The following PRPF8 variants were observed in gnomAD, a reference collection of about 807,000 sequenced individuals.
PRPF8 encodes the protein pre-mRNA-processing-splicing factor 8.
PRPF8 carries 64 observed loss-of-function variants against 285.9 expected under a neutral mutation model. The observed-to-expected ratio is 0.22, with a 90% CI of 0.18 to 0.28. The LOEUF is 0.28. Ranked by LOEUF, PRPF8 falls within the 10% of genes least tolerant of loss-of-function variation. PRPF8 has a pLI of 1.00. For missense variants in PRPF8, 1,426 were observed against 3,026.7 expected (o/e 0.47, Z 12.41); for synonymous variants, 1,325 against 1,118.2 (o/e 1.18, Z -3.69).
At position 1,675,423 on chromosome 17, in the gene PRPF8, A is replaced by T; in HGVS notation, c.2873-84T>A. ...CACAGGAACTATCATTACCTTCCAT[A>T]ACCAATCCCACTATGATTCCACGTA... On this transcript the variant is annotated intron_variant, in intron 19 of 42. Transcript: ENST00000304992. This position sits in a 1 kb window ranked among gnomAD's most constrained non-coding sequence, Gnocchi z 6.0. 2.0e-6 allele frequency: 3 copies of T among 1,522,102 alleles called. No individual in the cohort carries two copies. Among genetic ancestry groups the T allele is most frequent in the Non-Finnish European group, 2.7e-6 (3 of 1,099,850 alleles). 94.3% of individuals were successfully genotyped at this position (1,522,102 alleles called of 1,614,324 possible). A position where few individuals can be genotyped will look rare whatever the true frequency, so the allele number is the denominator to read the frequency against.
chr17:1,671,938 G>C (rs1038789465), intron 24 of PRPF8, among the ~76,000 whole-genome samples: 1 of 152,002 alleles, frequency 6.6e-6, no homozygotes, highest in East Asian at 1.9e-4. Flanking sequence ...GGAGGCTGAG[G>C]TGTGAGGATC....
At chr17:1,678,943 C>G (rs1912760561) in intron 11 of PRPF8, 62 bp from the exon 12 acceptor site, 1 of 1,613,678 alleles carries the variant, frequency 6.2e-7, no homozygotes, top group African/African-American at 1.3e-5. Flanking sequence ...TGATGTATGC[C>G]TTCATCAGTA....
Position 1,681,229 on chromosome 17 carries a change from TGTGA to T in PRPF8, c.867-179_867-176del, listed in dbSNP as rs1454481987. ...CCAAGTAACTGAGACTACACGAAGCTGTGAGTGTCACCACGCCCAGCTACATTTT... is the reference window on the plus strand; with the variant it reads ...CCAAGTAACTGAGACTACACGAAGCTGTGTCACCACGCCCAGCTACATTTT... On this transcript the variant is annotated intron_variant, in intron 6 of 42. Coordinates refer to ENST00000304992, the MANE Select transcript of PRPF8 (RefSeq NM_006445.4). Among the ~76,000 whole-genome samples, 5 of 152,214 alleles carry T rather than the reference TGTGA, an allele frequency of 3.3e-5. No homozygotes were observed. The South Asian group carries it at 8.3e-4, about 25-fold the overall frequency.
chr17:1,677,271 A>G, intron 14 of PRPF8, 99 bp from the exon 15 acceptor site: 1 of 1,261,730 alleles, frequency 7.9e-7, no homozygotes, highest in Non-Finnish European at 1.1e-6. Context: ...TTATTAATAA[A>G]ATTAGGTATT....
Position 1,673,697 on chromosome 17 carries a change from G to C in PRPF8, c.3446+49C>G. ...GCAGCCTCAGGTATGCCCTCTCTGG[G>C]CCCTTAGCTTATGTCCTTCCAGCTC... On this transcript the variant is annotated intron_variant, in intron 22 of 42. Transcript: ENST00000304992. The surrounding 1 kb of genome is among the most constrained non-coding windows in gnomAD (Gnocchi z 5.5). The C allele has an allele frequency of 6.2e-7, 1 of 1,613,000 alleles. No individual in the cohort carries two copies. The highest frequency in any genetic ancestry group is 8.5e-7 in the Non-Finnish European group (1 of 1,179,800).
At chr17:1,665,600 T>G (rs1269677748) in intron 24 of PRPF8, among the ~76,000 whole-genome samples, 1 of 150,870 alleles carries the variant, frequency 6.6e-6, no homozygotes, top group African/African-American at 2.4e-5. Flanking sequence ...TCCCAGCACT[T>G]TGGGAGGACG....
chr17:1,666,874 G>C (rs1460719489), intron 24 of PRPF8, among the ~76,000 whole-genome samples: 2 of 151,942 alleles, frequency 1.3e-5, no homozygotes, highest in Non-Finnish European at 2.9e-5. Flanking sequence ...CAACCAGGCA[G>C]ATCTACAGAA....
rs1567688695 is a variant in PRPF8, at chr17:1,676,024, C to T, written c.2583G>A (p.Arg861=). ...CCTGCTCGATCAGACCTAGCTCCTC[C>T]CTCTGAGACTGGTTCAACCGAGACT... ...SVKSRLNQSQ[R]EELGLIEQAY... The change falls in exon 18 of 43, where the codon AGG becomes AGA. Residue 861 remains arginine, a synonymous_variant. Coordinates refer to ENST00000304992, the MANE Select transcript of PRPF8 (RefSeq NM_006445.4). The surrounding 1 kb of genome is among the most constrained non-coding windows in gnomAD (Gnocchi z 6.3). 7 of 1,613,476 alleles carry T rather than the reference C, an allele frequency of 4.3e-6. No homozygotes were observed. Among genetic ancestry groups the T allele is most frequent in the Non-Finnish European group, 5.9e-6 (7 of 1,180,000 alleles).
intron 1 of PRPF8, 26 bp from the exon 2 acceptor site, chr17:1,684,608 T>A (rs1246235279): frequency 1.2e-6 from 2 of 1,606,392 alleles, no homozygotes; most frequent in Admixed American, 1.7e-5. Flanking sequence ...ATAGAAAAAT[T>A]CACTAACCAC....
chr17:1,684,437 TC>T (rs747515350), intron 2 of PRPF8, 34 bp downstream of exon 2: 3 of 1,610,396 alleles, frequency 1.9e-6, no homozygotes, highest in Non-Finnish European at 2.5e-6. Flanking sequence ...CCGCCCCGCC[TC>T]CGGCCCGCGC....
chr17:1,666,165 CA>C (rs60402650), intron 24 of PRPF8, among the ~76,000 whole-genome samples: 26,709 of 121,112 alleles, frequency 0.22, 4,930 homozygotes, highest in African/African-American at 0.53. Context: ...GACTCTGTCT[CA>C]AAAAAAAAAA....
Position 1,653,917 on chromosome 17 carries a change from G to C in PRPF8, c.6087C>G (p.Ile2029Met). The change falls in exon 38 of 43, where the codon ATC (isoleucine) becomes ATG (methionine). Residue 2029 changes from isoleucine to methionine, a missense_variant. Physicochemically the swap from Ile to Met is conservative, Grantham distance 10 (BLOSUM62 1). Around this residue, in one of 34 missense-constraint regions of PRPF8, gnomAD observed 160 missense variants for 373.7 expected, o/e 0.43. Coordinates refer to ENST00000304992, the MANE Select transcript of PRPF8 (RefSeq NM_006445.4). This position sits in a 1 kb window ranked among gnomAD's most constrained non-coding sequence, Gnocchi z 4.9. ...PSQQRQQIAE[I>M]EKQTKEQSQL... ...GCGATTGTTCCTTGGTCTGCTTCTCGATCTCAGCGATCTGCTGCCGCTGCT... is the reference window on the plus strand; with the variant it reads ...GCGATTGTTCCTTGGTCTGCTTCTCCATCTCAGCGATCTGCTGCCGCTGCT... 6.2e-7 allele frequency: 1 copy of C among 1,614,106 alleles called. No homozygotes were observed. Among genetic ancestry groups the C allele is most frequent in the Non-Finnish European group, 8.5e-7 (1 of 1,180,024 alleles).
At position 1,673,283 on chromosome 17, in the gene PRPF8, C is replaced by G; in HGVS notation, c.3657+74G>C. ...GTGCCCACCACTCAAGTCTTTCCAC[C>G]CAACAAGACTCCGGTGACTGACCCA... On this transcript the variant is annotated intron_variant, in intron 23 of 42. Coordinates refer to ENST00000304992, the MANE Select transcript of PRPF8 (RefSeq NM_006445.4). This position sits in a 1 kb window ranked among gnomAD's most constrained non-coding sequence, Gnocchi z 5.5. 2 of 1,603,724 alleles carry G rather than the reference C, an allele frequency of 1.2e-6. No homozygotes were observed. The highest frequency in any genetic ancestry group is 1.7e-6 in the Non-Finnish European group (2 of 1,171,248).
Position 1,656,637 on chromosome 17 carries a change from C to A in PRPF8, c.5619+11G>T, listed in dbSNP as rs1257985442. 3 of 1,613,942 alleles carry A rather than the reference C, an allele frequency of 1.9e-6. No individual in the cohort carries two copies. Among genetic ancestry groups the A allele is most frequent in the Admixed American group, 1.7e-5 (1 of 59,978 alleles). On this transcript the variant is annotated intron_variant, in intron 35 of 42. Coordinates refer to ENST00000304992, the MANE Select transcript of PRPF8 (RefSeq NM_006445.4). Reference sequence around the variant, plus strand: ...AGGTCTCTTTTCTCCTACCCCACCCCACCCTCTTACCTCCAGTGGGTCCAG... The same window carrying A: ...AGGTCTCTTTTCTCCTACCCCACCCAACCCTCTTACCTCCAGTGGGTCCAG...
rs1047960759 is a variant in PRPF8 at position 1,653,406 on chromosome 17, T to C, written c.6369+136A>G. On this transcript the variant is annotated intron_variant, in intron 39 of 42. Transcript: ENST00000304992. The surrounding 1 kb of genome is among the most constrained non-coding windows in gnomAD (Gnocchi z 4.9). ...ATGGGGCCAAAACCCACCTCGTTGTTTTGGCTATCCTTGTATAATTACTCA... is the reference window on the plus strand; with the variant it reads ...ATGGGGCCAAAACCCACCTCGTTGTCTTGGCTATCCTTGTATAATTACTCA... 4.9e-5 allele frequency: 62 copies of C among 1,271,006 alleles called. No individual in the cohort carries two copies. The highest frequency in any genetic ancestry group is 6.3e-5 in the Non-Finnish European group (56 of 888,568). 78.7% of individuals were successfully genotyped at this position (1,271,006 alleles called of 1,614,324 possible). A position where few individuals can be genotyped will look rare whatever the true frequency, so the allele number is the denominator to read the frequency against.
chr17:1,655,370 A>C lies in PRPF8; in HGVS notation c.5967T>G (p.Ala1989=). 6.2e-7 allele frequency: 1 copy of C among 1,613,558 alleles called. No individual in the cohort carries two copies. The highest frequency in any genetic ancestry group is 8.5e-7 in the Non-Finnish European group (1 of 1,180,018). ...CTCACTTGTTTTTCTTGCCGTAGTC[A>C]GCCAAGATCAGATCCTTGAGCTGCA... ...VEVQLKDLIL[A]DYGKKNNVNV... is the part of the protein sequence containing the mutation. The change falls in exon 37 of 43, where the codon GCT becomes GCG. Residue 1989 remains alanine, a synonymous_variant. Transcript: ENST00000304992.
intron 39 of PRPF8, chr17:1,652,790 T>G (rs1567675061): frequency 6.8e-6 from 1 of 147,824 alleles, no homozygotes; most frequent in Non-Finnish European, 1.5e-5. Context: ...GCTCAAAAGA[T>G]CTGCCCACCT....
chr17:1,680,089 C>G (rs1293797791), intron 8 of PRPF8, among the ~76,000 whole-genome samples: 1 of 152,170 alleles, frequency 6.6e-6, no homozygotes, highest in Non-Finnish European at 1.5e-5. Flanking sequence ...TCATCTCCCA[C>G]CCAAGCTCCA....
In PRPF8 at chr17:1,677,101, G is replaced by A. The variant is rs767601236; in HGVS notation, c.2056C>T (p.Arg686Trp). The A allele has an allele frequency of 6.2e-7, 1 of 1,613,796 alleles. No individual in the cohort carries two copies. Residue 686 changes from arginine to tryptophan, a missense_variant, in exon 15 of 43, where the codon CGG becomes TGG. Arg to Trp is a moderately radical substitution (Grantham distance 101). This residue lies in a region of PRPF8 where 7 missense variants were observed against 67.9 expected (regional missense o/e 0.10). Coordinates refer to ENST00000304992, the MANE Select transcript of PRPF8 (RefSeq NM_006445.4). ...AGAATATCATGCATCACAGCTGCCC[G>A]CAGCTCAAGGTCAAAATGTGACTCC... ...RVESHFDLELRAAVMHDILDM... is the reference protein window; with the variant it reads ...RVESHFDLELWAAVMHDILDM...
Sources: allele counts gnomAD v4.1 joint callset (sites outside exome capture counted in the v4.1 genomes callset), GRCh38; gene constraint gnomAD v4.1.1; regional missense constraint gnomAD v4.1.1; non-coding constraint Gnocchi (gnomAD v3.1); transcripts MANE v1.5; gene names NCBI Gene and HGNC (gene_info 2026-07-23, HGNC 2026-07-21).